SLC25A26: variants seen among roughly 807,000 people sequenced by gnomAD.
SLC25A26 encodes solute carrier family 25 member 26.
SLC25A26 carries 36 observed loss-of-function variants against 37.8 expected under a neutral mutation model. That is an observed-to-expected ratio of 0.95 (90% CI 0.73 to 1.26). The LOEUF (loss-of-function observed/expected upper bound fraction) is 1.26, where lower values mean the gene tolerates loss of function less well. Among genes scored for constraint, SLC25A26 ranks in the 50% most tolerant of loss-of-function variants. The probability of loss-of-function intolerance (pLI) is 0.00; values close to 1 mark genes in which losing one functional copy is unlikely to be tolerated. For synonymous variants in SLC25A26, 129 were observed against 122.5 expected (o/e 1.05, Z -0.35); for missense variants, 390 against 331.1 (o/e 1.18, Z -1.38).
In SLC25A26 at chr3:66,168,365, C is replaced by T. The variant is rs183880378; in HGVS notation, c.-354+34381C>T. 2.0e-4 allele frequency among the ~76,000 whole-genome samples: 30 copies of T among 151,974 alleles called. No individual in the cohort carries two copies. The East Asian group carries it at 5.6e-3, about 28-fold the overall frequency. On this transcript the variant is annotated intron_variant, in intron 1 of 10. Transcript: ENST00000676754. ...TGATAGAAAACTCTATTGCTGTCCT[C>T]GACTTCATCTGCACTAAGATGAATC...
intron 1 of SLC25A26, among the ~76,000 whole-genome samples, chr3:66,206,756 G>A (rs2071183525): frequency 6.7e-6 from 1 of 149,230 alleles, no homozygotes; most frequent in African/African-American, 2.5e-5. Flanking sequence ...AGGCTGGGGT[G>A]TAGTGGCATG....
intron 1 of SLC25A26, among the ~76,000 whole-genome samples, chr3:66,171,700 G>C (rs538845754): frequency 6.6e-6 from 1 of 152,092 alleles, no homozygotes; most frequent in Admixed American, 6.5e-5. Context: ...ATGTTGCTCA[G>C]GCTGGTCTCA....
chr3:66,329,642 G>T (rs2075922370), intron 5 of SLC25A26, among the ~76,000 whole-genome samples: 1 of 152,092 alleles, frequency 6.6e-6, no homozygotes, highest in Non-Finnish European at 1.5e-5. Context: ...TAAGAAAATT[G>T]AAAGAAGAAA....
intron 5 of SLC25A26, among the ~76,000 whole-genome samples, chr3:66,344,442 G>A (rs948094537): frequency 3.3e-5 from 5 of 150,854 alleles, no homozygotes; most frequent in African/African-American, 9.8e-5. Flanking sequence ...CCGCCTGACC[G>A]ACAAAGCAAG....
At chr3:66,368,923 A>C (rs1700181707) in intron 7 of SLC25A26, among the ~76,000 whole-genome samples, 1 of 151,128 alleles carries the variant, frequency 6.6e-6, no homozygotes, top group Admixed American at 6.6e-5. Flanking sequence ...GAGGAGGCTA[A>C]GGTGGAGAGA....
At chr3:66,370,703 CTGCTT>C (rs1383343126) in intron 9 of SLC25A26, 101 bp downstream of exon 9, 25 of 885,212 alleles carry the variant, frequency 2.8e-5, no homozygotes, top group Non-Finnish European at 7.0e-6. Flanking sequence ...TGCTTATGTT[CTGCTT>C]TGAGTTTCTA....
At chr3:66,154,773 C>T (rs1322906374) in intron 1 of SLC25A26, among the ~76,000 whole-genome samples, 6 of 152,126 alleles carry the variant, frequency 3.9e-5, no homozygotes, top group African/African-American at 1.2e-4. Context: ...TAAGCCACAG[C>T]GCCCGGCGGG....
intron 1 of SLC25A26, among the ~76,000 whole-genome samples, chr3:66,142,855 C>T (rs2070056121): frequency 6.6e-6 from 1 of 152,128 alleles, no homozygotes; most frequent in African/African-American, 2.4e-5. Context: ...CCCCAAATTC[C>T]TGGGCTCAAG....
At chr3:66,251,526 C>T (rs1488236632) in intron 3 of SLC25A26, among the ~76,000 whole-genome samples, 1 of 152,152 alleles carries the variant, frequency 6.6e-6, no homozygotes, top group Non-Finnish European at 1.5e-5. Flanking sequence ...CCCATCTTGC[C>T]AGTGGGCCCA....
intron 9 of SLC25A26, among the ~76,000 whole-genome samples, chr3:66,372,079 C>G (rs1308877457): frequency 5.3e-5 from 8 of 152,156 alleles, no homozygotes; most frequent in Admixed American, 5.2e-4. Flanking sequence ...GGTGACAGAG[C>G]AAGACCCTGT....
At chr3:66,315,707 T>C (rs531838702) in intron 5 of SLC25A26, among the ~76,000 whole-genome samples, 1 of 152,288 alleles carries the variant, frequency 6.6e-6, no homozygotes, top group Non-Finnish European at 1.5e-5. Context: ...TCCTTGATAG[T>C]AGGGTATTAA....
At chr3:66,184,870 AC>A (rs1454736274) in intron 1 of SLC25A26, among the ~76,000 whole-genome samples, 1 of 152,140 alleles carries the variant, frequency 6.6e-6, no homozygotes, top group Non-Finnish European at 1.5e-5. Context: ...CCTGATCCTG[AC>A]CGTCAACCTG....
intron 1 of SLC25A26, among the ~76,000 whole-genome samples, chr3:66,208,284 TA>T (rs1328948654): frequency 2.0e-5 from 3 of 152,174 alleles, no homozygotes; most frequent in African/African-American, 7.2e-5. Context: ...ATGGCCAATT[TA>T]TTGCCAACTG....
At chr3:66,163,430 C>G (rs190382246) in intron 1 of SLC25A26, among the ~76,000 whole-genome samples, 1 of 152,258 alleles carries the variant, frequency 6.6e-6, no homozygotes, top group East Asian at 1.9e-4. Context: ...GGTCCTTTGT[C>G]ATAACCTTTC....
At chr3:66,264,243 G>A (rs1404058097) in intron 5 of SLC25A26, among the ~76,000 whole-genome samples, 1 of 151,992 alleles carries the variant, frequency 6.6e-6, no homozygotes, top group African/African-American at 2.4e-5. Flanking sequence ...CTGGATTCCA[G>A]CCTGGGCAAC....
At chr3:66,252,646 T>C (rs561629904) in intron 3 of SLC25A26, among the ~76,000 whole-genome samples, 2 of 152,312 alleles carry the variant, frequency 1.3e-5, no homozygotes, top group South Asian at 2.1e-4. Flanking sequence ...CACAAAATAT[T>C]GAATAAACAT....
chr3:66,191,363 C>A (rs1454530183), intron 1 of SLC25A26, among the ~76,000 whole-genome samples: 1 of 152,130 alleles, frequency 6.6e-6, no homozygotes, highest in African/African-American at 2.4e-5. Context: ...CCACTGCACT[C>A]CAGCCTGGGT....
At chr3:66,354,100 T>G (rs189646582) in intron 6 of SLC25A26, among the ~76,000 whole-genome samples, 1 of 152,324 alleles carries the variant, frequency 6.6e-6, no homozygotes, top group Admixed American at 6.5e-5. Context: ...TTATCAAGCT[T>G]TAAGTCAAAA....
chr3:66,292,777 C>A (rs1274294641), intron 5 of SLC25A26, among the ~76,000 whole-genome samples: 2 of 151,942 alleles, frequency 1.3e-5, no homozygotes, highest in Admixed American at 6.6e-5. Flanking sequence ...GTTGCTCTTT[C>A]TCGAGGAGTA....
Sources: allele counts gnomAD v4.1 joint callset (sites outside exome capture counted in the v4.1 genomes callset), GRCh38; gene constraint gnomAD v4.1.1; transcripts MANE v1.5; gene names NCBI Gene and HGNC (gene_info 2026-07-23, HGNC 2026-07-21).